The following STK3 variants were observed in gnomAD, a reference collection of about 807,000 sequenced individuals.
The protein encoded by STK3 is serine/threonine kinase 3.
Under a neutral mutation model 58.0 loss-of-function variants are expected in STK3, and 41 were observed. The ratio of observed to expected loss-of-function variants is 0.71; its 90% confidence interval spans 0.55 to 0.92. The LOEUF (loss-of-function observed/expected upper bound fraction) is 0.92, where lower values mean the gene tolerates loss of function less well. Among genes scored for constraint, STK3 ranks in the 40% least tolerant of loss-of-function variants. The pLI, the probability that STK3 is intolerant of heterozygous loss-of-function variation, is 0.00. For missense variants in STK3, 479 were observed against 602.7 expected (o/e 0.79, Z 2.15); for synonymous variants, 170 against 191.0 (o/e 0.89, Z 0.91).
chr8:98,358,495 GT>G, the STK3 span, among the ~76,000 whole-genome samples: 1 of 152,156 alleles, frequency 6.6e-6, no homozygotes, highest in Non-Finnish European at 1.5e-5. Flanking sequence ...GCTTCCAGTC[GT>G]TCTTGCCCAG....
At chr8:98,743,434 A>G (rs1829387199) in intron 4 of STK3, among the ~76,000 whole-genome samples, 1 of 152,188 alleles carries the variant, frequency 6.6e-6, no homozygotes, top group South Asian at 2.1e-4. Flanking sequence ...AATGCTTCAT[A>G]TCTACAACTA....
chr8:98,639,963 T>C (rs931059828), intron 6 of STK3, among the ~76,000 whole-genome samples: 1 of 152,176 alleles, frequency 6.6e-6, no homozygotes, highest in Non-Finnish European at 1.5e-5. Context: ...ATACAAAAAT[T>C]AGTTGGGAGT....
chr8:98,588,776 T>C (rs1253741343), intron 7 of STK3, among the ~76,000 whole-genome samples: 1 of 152,022 alleles, frequency 6.6e-6, no homozygotes, highest in Non-Finnish European at 1.5e-5. Context: ...GTCCCATATT[T>C]CTTGGAGGCT....
chr8:98,638,730 C>T (rs890212854), intron 6 of STK3, among the ~76,000 whole-genome samples: 1 of 152,092 alleles, frequency 6.6e-6, no homozygotes, highest in African/African-American at 2.4e-5. Context: ...GGACAGAGGA[C>T]AGCAACACCA....
At chr8:98,489,438 T>C (rs1036713436) in intron 10 of STK3, among the ~76,000 whole-genome samples, 2 of 152,214 alleles carry the variant, frequency 1.3e-5, no homozygotes, top group Admixed American at 6.5e-5. Context: ...CCTTTCAATT[T>C]AGTTACTATT....
At position 98,924,442 on chromosome 8, in the gene STK3, C is replaced by T. The variant is rs192899596; in HGVS notation, c.-79+17936G>A. ...AGTCAGTACAGTTTATTTCTATGGG[C>T]TCCTTCTTCTTCTTTATGCATACTT... On this transcript the variant is annotated intron_variant, in intron 1 of 1. Transcript: ENST00000519420. Among the ~76,000 whole-genome samples, 30 of 152,288 alleles carry T rather than the reference C, an allele frequency of 2.0e-4. 1 individual carries two copies. The highest frequency in any genetic ancestry group is 7.0e-4 in the African/African-American group (29 of 41,558).
At chr8:98,479,007 A>C (rs1455887942) in intron 10 of STK3, among the ~76,000 whole-genome samples, 1 of 152,202 alleles carries the variant, frequency 6.6e-6, no homozygotes, top group Non-Finnish European at 1.5e-5. Context: ...CACTGGTGAC[A>C]AGAGTTCATG....
chr8:98,706,776 A>G (rs552783777), intron 5 of STK3, 142 bp from the exon 6 acceptor site: 1 of 990,928 alleles, frequency 1.0e-6, no homozygotes, highest in Non-Finnish European at 1.4e-6. Flanking sequence ...AATTTCAACT[A>G]GTTATGACAT....
chr8:98,812,018 C>A (rs903554623), intron 1 of STK3, among the ~76,000 whole-genome samples: 1 of 152,114 alleles, frequency 6.6e-6, no homozygotes, highest in African/African-American at 2.4e-5. Context: ...CCATGTTGGC[C>A]AGGCTGTTCT....
intron 3 of STK3, among the ~76,000 whole-genome samples, chr8:98,862,456 C>G (rs955784905): frequency 3.9e-5 from 6 of 152,214 alleles, no homozygotes; most frequent in African/African-American, 1.4e-4. Context: ...ACATTTTTTA[C>G]ACTGCCTGAC....
chr8:98,819,998 A>C (rs1834782418), intron 1 of STK3, among the ~76,000 whole-genome samples: 1 of 152,120 alleles, frequency 6.6e-6, no homozygotes, highest in African/African-American at 2.4e-5. Flanking sequence ...AGATGCTACA[A>C]GTTGATGTGG....
chr8:98,383,284 G>A (rs1178596056), intron 1 of STK3, among the ~76,000 whole-genome samples: 1 of 152,204 alleles, frequency 6.6e-6, no homozygotes, highest in Non-Finnish European at 1.5e-5. Context: ...AAAGTCGCCA[G>A]TAGGTGGCCA....
chr8:98,651,207 C>T (rs1820892918), intron 6 of STK3, among the ~76,000 whole-genome samples: 1 of 152,220 alleles, frequency 6.6e-6, no homozygotes, highest in Non-Finnish European at 1.5e-5. Flanking sequence ...TCTGCAGCCA[C>T]CGCTGCTGGT....
chr8:98,549,397 G>A (rs1177199563), intron 8 of STK3, among the ~76,000 whole-genome samples: 2 of 152,068 alleles, frequency 1.3e-5, no homozygotes, highest in African/African-American at 4.8e-5. Context: ...TTAGCCATTT[G>A]TATATCTTCT....
At chr8:98,684,999 T>C (rs921823516) in intron 6 of STK3, among the ~76,000 whole-genome samples, 1 of 152,130 alleles carries the variant, frequency 6.6e-6, no homozygotes, top group East Asian at 1.9e-4. Context: ...ATGTGCATAA[T>C]GGATCACACT....
chr8:98,587,189 T>A (rs1038044334), intron 7 of STK3, among the ~76,000 whole-genome samples: 1 of 152,142 alleles, frequency 6.6e-6, no homozygotes, highest in Non-Finnish European at 1.5e-5. Context: ...ATTGTGATGT[T>A]AGGGTGTCAA....
intron 6 of STK3, among the ~76,000 whole-genome samples, chr8:98,685,710 A>C (rs1262310495): frequency 1.3e-5 from 2 of 152,068 alleles, no homozygotes. Flanking sequence ...GGATGATGTG[A>C]AAGTACGGTT....
downstream of STK3, among the ~76,000 whole-genome samples, chr8:98,369,739 G>C (rs1034209540): frequency 6.6e-6 from 1 of 152,160 alleles, no homozygotes; most frequent in Non-Finnish European, 1.5e-5. Context: ...CATGGAGACG[G>C]GAAGTACCCC....
intron 6 of STK3, chr8:98,597,174 T>C: frequency 1.6e-6 from 1 of 612,844 alleles, no homozygotes; most frequent in African/African-American, 2.0e-5. Context: ...ATTTTAATAA[T>C]TGCCTATATC....
Sources: gnomAD v4.1 joint callset for allele counts (sites outside exome capture counted in the v4.1 genomes callset) on GRCh38, gnomAD v4.1.1 for gene constraint, MANE v1.5 for transcripts, NCBI Gene and HGNC (gene_info 2026-07-23, HGNC 2026-07-21) for gene names.